Variants in RARS1 observed in about 807,000 individuals in gnomAD.
RARS1 encodes arginyl-tRNA synthetase 1.
Under a neutral mutation model 78.7 loss-of-function variants are expected in RARS1, and 75 were observed. The observed-to-expected ratio is 0.95, with a 90% CI of 0.79 to 1.15. The LOEUF is 1.15. Among genes scored for constraint, RARS1 ranks in the 50% most tolerant of loss-of-function variants. The pLI, the probability that RARS1 is intolerant of heterozygous loss-of-function variation, is 0.00. For missense variants in RARS1, 787 were observed against 787.5 expected (o/e 1.00, Z 0.01); for synonymous variants, 273 against 268.2 (o/e 1.02, Z -0.18).
chr5:168,496,488 A>C (rs1289276448), intron 6 of RARS1, among the ~76,000 whole-genome samples: 1 of 151,474 alleles, frequency 6.6e-6, no homozygotes, highest in Non-Finnish European at 1.5e-5. Flanking sequence ...GGTTGGATCA[A>C]CATTTTTTTT....
At chr5:168,510,502 C>T in intron 11 of RARS1, 79 bp from the exon 12 acceptor site, 1 of 1,063,272 alleles carries the variant, frequency 9.4e-7, no homozygotes, top group East Asian at 2.5e-5. Flanking sequence ...GTGGTCAGGT[C>T]TCTCAAACCT....
intron 14 of RARS1, among the ~76,000 whole-genome samples, chr5:168,518,390 A>G (rs544535502): frequency 3.9e-5 from 6 of 152,214 alleles, no homozygotes; most frequent in African/African-American, 1.4e-4. Context: ...ACCATATCAT[A>G]TATAAAAGAC....
rs778580295 is a variant in RARS1, at chr5:168,506,708, C to T, written c.1237-14C>T. On this transcript the variant is annotated splice_polypyrimidine_tract_variant and intron_variant, in intron 10 of 14. Coordinates refer to ENST00000231572, the MANE Select transcript of RARS1 (RefSeq NM_002887.4). Reference sequence around the variant, plus strand: ...TAAAGAAGACTAGCAAGTAACTTTCCGTTTCTGTTGTAGTCTGTGCACTTC... The same window carrying T: ...TAAAGAAGACTAGCAAGTAACTTTCTGTTTCTGTTGTAGTCTGTGCACTTC... 1.1e-5 allele frequency: 17 copies of T among 1,575,264 alleles called. No individual in the cohort carries two copies. The highest frequency in any genetic ancestry group is 1.7e-4 in the Middle Eastern group (1 of 5,934).
chr5:168,490,254 T>TA (rs1172117277), intron 2 of RARS1, among the ~76,000 whole-genome samples: 1 of 152,248 alleles, frequency 6.6e-6, no homozygotes, highest in Non-Finnish European at 1.5e-5. Flanking sequence ...CCTTTCTCGT[T>TA]ATGTCATTCA....
chr5:168,512,233 A>G (rs941660487), intron 12 of RARS1, among the ~76,000 whole-genome samples: 2 of 152,192 alleles, frequency 1.3e-5, no homozygotes, highest in Admixed American at 1.3e-4. Context: ...CTATTGATGG[A>G]CATTAGGATT....
In RARS1 at chr5:168,488,582, A is replaced by T; in HGVS notation, c.46-20A>T. On this transcript the variant is annotated intron_variant, in intron 1 of 14. Coordinates refer to ENST00000231572, the MANE Select transcript of RARS1 (RefSeq NM_002887.4). Reference sequence around the variant, plus strand: ...TGGAAGTAAGTTTATGGACTGAAAAAAGTGCTTTTTTTCCCACAGGAAGAA... The same window carrying T: ...TGGAAGTAAGTTTATGGACTGAAAATAGTGCTTTTTTTCCCACAGGAAGAA... The T allele has an allele frequency of 6.3e-7, 1 of 1,594,820 alleles. No individual in the cohort carries two copies. The highest frequency in any genetic ancestry group is 1.4e-5 in the African/African-American group (1 of 73,670).
At chr5:168,499,594 A>G (rs1200685738) in intron 7 of RARS1, among the ~76,000 whole-genome samples, 1 of 152,206 alleles carries the variant, frequency 6.6e-6, no homozygotes, top group Non-Finnish European at 1.5e-5. Flanking sequence ...ATGAGACTGG[A>G]AAAGTAATGT....
chr5:168,494,883 G>A (rs1758151952), intron 5 of RARS1: 1 of 415,874 alleles, frequency 2.4e-6, no homozygotes, highest in Admixed American at 4.1e-5. Context: ...AAAACGAACT[G>A]CATGGAAAGT....
chr5:168,518,157 C>T (rs1758715254), intron 14 of RARS1, 95 bp downstream of exon 14: 1 of 1,310,792 alleles, frequency 7.6e-7, no homozygotes, highest in Non-Finnish European at 9.8e-7. Context: ...AATCATAGGT[C>T]ACTGAAGCCT....
intron 12 of RARS1, 49 bp downstream of exon 12, chr5:168,510,735 T>C (rs765841353): frequency 7.0e-7 from 1 of 1,422,248 alleles, no homozygotes; most frequent in African/African-American, 1.5e-5. Context: ...TTGTGATTTT[T>C]CATTTTTGTT....
chr5:168,500,200 C>CA (rs36015007), intron 7 of RARS1, among the ~76,000 whole-genome samples: 10,071 of 47,540 alleles, frequency 0.21, 1,286 homozygotes, highest in East Asian at 0.54. Context: ...GACTCTGTCT[C>CA]AAAAAAAAAA....
intron 6 of RARS1, 50 bp from the exon 7 acceptor site, chr5:168,497,178 A>T (rs746617495): frequency 4.6e-6 from 6 of 1,304,698 alleles, no homozygotes; most frequent in Admixed American, 3.5e-5. Flanking sequence ...ATTTAACTTA[A>T]CCATCTTTAT....
chr5:168,519,050 GTTAA>G, intron 14 of RARS1, 27 bp from the exon 15 acceptor site: 4 of 1,560,334 alleles, frequency 2.6e-6, no homozygotes, highest in Non-Finnish European at 3.5e-6. Context: ...AGGAAAACAA[GTTAA>G]TTAACAACTT....
rs67012869 is a variant in RARS1 at position 168,495,573 on chromosome 5, C to T, written c.701+137C>T. ...TCATCAGCTTAGTTCTTCTTTACAA[C>T]CACCCAGTAAGCTTTTAAAATATGT... On this transcript the variant is annotated intron_variant, in intron 6 of 14. Transcript: ENST00000231572. 0.2 allele frequency: 262,815 copies of T among 1,320,034 alleles called. 27,591 individuals are homozygous for T. The highest frequency in any genetic ancestry group is 0.32 in the Admixed American group (11,661 of 36,432). 81.8% of individuals were successfully genotyped at this position (1,320,034 alleles called of 1,614,324 possible).
rs1758456090 is a variant in RARS1, at chr5:168,506,744, T to C, written c.1259T>C (p.Phe420Ser). Residue 420 changes from phenylalanine (F) to serine (S), a missense_variant, in exon 11 of 15, where the codon TTT becomes TCT. Coordinates refer to ENST00000231572, the MANE Select transcript of RARS1 (RefSeq NM_002887.4). ...TAGTCTGTGCACTTCCAGACAATAT[T>C]TGCTGCTGCTCAAATGATTGGTTGG... is the stretch of plus-strand genomic sequence containing the variant. ...NGQSVHFQTI[F>S]AAAQMIGWYD... 1 of 1,613,704 alleles carries C rather than the reference T, an allele frequency of 6.2e-7. No homozygotes were observed. Among genetic ancestry groups the C allele is most frequent in the Non-Finnish European group, 8.5e-7 (1 of 1,179,656 alleles).
chr5:168,498,676 T>C (rs1353635869), intron 7 of RARS1, among the ~76,000 whole-genome samples: 1 of 152,188 alleles, frequency 6.6e-6, no homozygotes, highest in Non-Finnish European at 1.5e-5. Flanking sequence ...TCTTTAAAAA[T>C]TATTTCCTGG....
At chr5:168,514,853 A>T (rs571393773) in intron 12 of RARS1, among the ~76,000 whole-genome samples, 1 of 152,234 alleles carries the variant, frequency 6.6e-6, no homozygotes, top group East Asian at 1.9e-4. Flanking sequence ...TTTGACTTTC[A>T]TGACCTCAAC....
intron 3 of RARS1, among the ~76,000 whole-genome samples, chr5:168,493,633 CAAA>C (rs35001933): frequency 1.0e-4 from 8 of 78,234 alleles, no homozygotes; most frequent in Admixed American, 1.7e-4. Flanking sequence ...GACTCCATCT[CAAA>C]AAAAAAAAAA....
chr5:168,518,581 G>A (rs138892915), intron 14 of RARS1, among the ~76,000 whole-genome samples: 68 of 152,222 alleles, frequency 4.5e-4, no homozygotes, highest in African/African-American at 1.5e-3. Context: ...ATCTTTGGGT[G>A]TTTTTGATAA....
Sources: allele counts gnomAD v4.1 joint callset (sites outside exome capture counted in the v4.1 genomes callset), GRCh38; gene constraint gnomAD v4.1.1; transcripts MANE v1.5; gene names NCBI Gene and HGNC (gene_info 2026-07-23, HGNC 2026-07-21).